DENND6A: variants seen among roughly 807,000 people sequenced by gnomAD.
DENND6A encodes DENN domain containing 6A, also known as protein DENND6A.
In DENND6A, 43 loss-of-function variants were observed where a neutral mutation model predicts 95.5. The observed-to-expected ratio is 0.45, with a 90% CI of 0.35 to 0.58. The LOEUF is 0.58. DENND6A is among the 20% of genes least tolerant of loss of function. DENND6A has a pLI of 0.00. For missense variants in DENND6A, 574 were observed against 736.0 expected (o/e 0.78, Z 2.55); for synonymous variants, 257 against 260.4 (o/e 0.99, Z 0.13).
rs77657573 is a variant in DENND6A, at chr3:57,636,031, A to G, written c.1133-1262T>C. On this transcript the variant is annotated intron_variant, in intron 12 of 19. Coordinates refer to ENST00000311128, the MANE Select transcript of DENND6A (RefSeq NM_152678.3). ...TATTTCCCCTAGCTTACTTTATTAT[A>G]AGGATACAATATATAATACATAAAA... 8.9e-3 allele frequency among the ~76,000 whole-genome samples: 1,348 copies of G among 152,300 alleles called. 10 individuals carry two copies. The highest frequency in any genetic ancestry group is 0.031 in the African/African-American group (1,272 of 41,556).
chr3:57,648,256 C>G (rs1337038302), intron 9 of DENND6A, among the ~76,000 whole-genome samples: 1 of 152,070 alleles, frequency 6.6e-6, no homozygotes, highest in Non-Finnish European at 1.5e-5. Flanking sequence ...TTTACAATAG[C>G]TGCAATACAT....
chr3:57,665,893 T>A (rs2071518297), intron 4 of DENND6A: 2 of 400,644 alleles, frequency 5.0e-6, no homozygotes, highest in South Asian at 9.3e-5. Context: ...AACATTCTAA[T>A]CCATTTTTAT....
chr3:57,649,642 ATAT>A (rs1248530153), intron 9 of DENND6A, among the ~76,000 whole-genome samples: 3 of 125,496 alleles, frequency 2.4e-5, no homozygotes, highest in Admixed American at 7.9e-5. Context: ...AAAAAAAAAA[ATAT>A]ATATATATAT....
chr3:57,643,527 G>A (rs2070996596), intron 11 of DENND6A, among the ~76,000 whole-genome samples: 1 of 152,082 alleles, frequency 6.6e-6, no homozygotes, highest in South Asian at 2.1e-4. Flanking sequence ...CATGGGTACA[G>A]ATAAGACTGT....
Position 57,633,119 on chromosome 3 carries a change from T to A in DENND6A, c.1353+146A>T, listed in dbSNP as rs1169054080. 6.0e-6 allele frequency: 4 copies of A among 667,348 alleles called. No homozygotes were observed. The East Asian group carries it at 1.1e-4, about 19-fold the overall frequency. The allele number at this position is 667,348 out of a possible 1,614,324, so 41.3% of individuals were successfully genotyped here. A position where few individuals can be genotyped will look rare whatever the true frequency, so the allele number is the denominator to read the frequency against. ...AACACTAGAACAGATAATCCAGGTC[T>A]CTTGCAAAGGGGTTTATTTTTAATC... is the stretch of plus-strand genomic sequence containing the variant. On this transcript the variant is annotated intron_variant, in intron 15 of 19. Coordinates refer to ENST00000311128, the MANE Select transcript of DENND6A (RefSeq NM_152678.3).
intron 12 of DENND6A, 25 bp downstream of exon 12, chr3:57,641,628 A>G: frequency 6.3e-7 from 1 of 1,592,162 alleles, no homozygotes; most frequent in Non-Finnish European, 8.6e-7. Flanking sequence ...CACACTAGAA[A>G]CAGAACACCA....
At chr3:57,683,703 G>C (rs192086244) in intron 1 of DENND6A, among the ~76,000 whole-genome samples, 1 of 152,270 alleles carries the variant, frequency 6.6e-6, no homozygotes, top group East Asian at 1.9e-4. Flanking sequence ...TTTAGTTCAA[G>C]CTACCGCTAG....
chr3:57,672,759 G>T (rs570730401), intron 1 of DENND6A, among the ~76,000 whole-genome samples: 1 of 151,692 alleles, frequency 6.6e-6, no homozygotes, highest in African/African-American at 2.4e-5. Context: ...CTCCAGCCTG[G>T]GTGACAGAGC....
intron 12 of DENND6A, among the ~76,000 whole-genome samples, chr3:57,637,985 T>C (rs2070836093): frequency 6.6e-6 from 1 of 151,060 alleles, no homozygotes; most frequent in African/African-American, 2.4e-5. Context: ...AATACAAAAA[T>C]CAGCTGAGTG....
chr3:57,638,395 C>G (rs553400795), intron 12 of DENND6A, among the ~76,000 whole-genome samples: 1 of 151,718 alleles, frequency 6.6e-6, no homozygotes, highest in African/African-American at 2.4e-5. Flanking sequence ...TGGTGGCTCA[C>G]GCCTACAATT....
intron 18 of DENND6A, among the ~76,000 whole-genome samples, chr3:57,629,760 G>A (rs564593720): frequency 3.7e-4 from 56 of 150,384 alleles, no homozygotes; most frequent in Non-Finnish European, 5.6e-4. Flanking sequence ...CTGACCTCGT[G>A]ATCCACCCAC....
intron 1 of DENND6A, chr3:57,679,494 T>C (rs916163792): frequency 1.0e-6 from 1 of 985,274 alleles, no homozygotes; most frequent in South Asian, 4.7e-5. Flanking sequence ...CACCTTGACT[T>C]TGGGCAAAAA....
At chr3:57,628,490 G>T in intron 19 of DENND6A, 145 bp from the exon 20 acceptor site, 1 of 1,187,714 alleles carries the variant, frequency 8.4e-7, no homozygotes. Context: ...AAAAAGCAAG[G>T]AGCATTCTAT....
intron 1 of DENND6A, among the ~76,000 whole-genome samples, chr3:57,681,478 G>C (rs1177398770): frequency 1.3e-5 from 2 of 151,610 alleles, no homozygotes; most frequent in South Asian, 2.1e-4. Context: ...AAAAAAATTA[G>C]GCAGGCATAG....
chr3:57,633,997 C>A (rs1446178961), intron 14 of DENND6A, among the ~76,000 whole-genome samples: 1 of 151,964 alleles, frequency 6.6e-6, no homozygotes, highest in Admixed American at 6.6e-5. Flanking sequence ...CTGTTAGATG[C>A]TATCATGGTA....
At chr3:57,651,330 A>AT (rs1346559583) in intron 9 of DENND6A, among the ~76,000 whole-genome samples, 1 of 152,220 alleles carries the variant, frequency 6.6e-6, no homozygotes, top group Non-Finnish European at 1.5e-5. Context: ...CCCCCTTATA[A>AT]GTCTAGGAGC....
At chr3:57,651,278 A>G (rs1443511137) in intron 9 of DENND6A, among the ~76,000 whole-genome samples, 1 of 152,220 alleles carries the variant, frequency 6.6e-6, no homozygotes, top group African/African-American at 2.4e-5. Context: ...CGCACTTTCA[A>G]CTTACAATTT....
intron 1 of DENND6A, among the ~76,000 whole-genome samples, chr3:57,673,659 T>C (rs1271326884): frequency 6.6e-6 from 1 of 152,266 alleles, no homozygotes; most frequent in African/African-American, 2.4e-5. Flanking sequence ...CATTATACAT[T>C]GCATGTCTGC....
At chr3:57,644,599 C>T (rs933663377) in intron 11 of DENND6A, among the ~76,000 whole-genome samples, 5 of 148,126 alleles carry the variant, frequency 3.4e-5, no homozygotes, top group South Asian at 4.4e-4. Context: ...TGGGCCATCA[C>T]GACTGGCTGG....
Sources: allele counts gnomAD v4.1 joint callset (sites outside exome capture counted in the v4.1 genomes callset), GRCh38; gene constraint gnomAD v4.1.1; transcripts MANE v1.5; gene names NCBI Gene and HGNC (gene_info 2026-07-23, HGNC 2026-07-21).